DTWD1: variants seen among roughly 807,000 people sequenced by gnomAD.
DTWD1 encodes tRNA-uridine aminocarboxypropyltransferase 1.
Under a neutral mutation model 30.2 loss-of-function variants are expected in DTWD1, and 27 were observed. The observed-to-expected ratio is 0.90, with a 90% CI of 0.66 to 1.23. The LOEUF (loss-of-function observed/expected upper bound fraction) is 1.23, where lower values mean the gene tolerates loss of function less well. Ranked by LOEUF, DTWD1 falls within the 50% of genes most tolerant of loss-of-function variation. The probability of loss-of-function intolerance (pLI) is 0.00; values close to 1 mark genes in which losing one functional copy is unlikely to be tolerated. For synonymous variants in DTWD1, 99 were observed against 113.1 expected (o/e 0.88, Z 0.79); for missense variants, 342 against 348.8 (o/e 0.98, Z 0.15).
At chr15:49,621,931 A>G (rs2078734057) in intron 1 of DTWD1, among the ~76,000 whole-genome samples, 2 of 152,212 alleles carry the variant, frequency 1.3e-5, no homozygotes, top group Admixed American at 1.3e-4. Context: ...ATTGGTCCAC[A>G]ATATAGGACA....
chr15:49,629,945 A>G (rs550243483), intron 2 of DTWD1: 1 of 152,236 alleles, frequency 6.6e-6, no homozygotes, highest in South Asian at 2.1e-4. Context: ...TGTCCCCAAC[A>G]TAATTGTCCA....
Position 49,643,429 on chromosome 15 carries a change from T to C in DTWD1, c.766T>C (p.Tyr256His). The C allele has an allele frequency of 6.2e-7, 1 of 1,606,146 alleles. No individual in the cohort carries two copies. Among genetic ancestry groups the C allele is most frequent in the Non-Finnish European group, 8.5e-7 (1 of 1,176,818 alleles). The change falls in exon 5 of 5, where the codon TAC becomes CAC. Residue 256 changes from tyrosine (Y) to histidine (H), a missense_variant. Coordinates refer to ENST00000403028, the MANE Select transcript of DTWD1 (RefSeq NM_001144955.2). ...CCTTTCTACAATTGAAGCCATTTAC[T>C]ACTTTCTGGTAGACTACCATACTGA... ...TFLSTIEAIY[Y>H]FLVDYHTDIL...
chr15:49,655,397 C>T lies in DTWD1; in HGVS notation c.*11819C>T, dbSNP rs918178802. ...AAAGAAAGACTTATGAAGAAAAGAC[C>T]TGTAGAAAATCGGGCCTACGTACCT... On this transcript the variant is annotated 3_prime_UTR_variant, in exon 5 of 5. Coordinates refer to ENST00000403028, the MANE Select transcript of DTWD1 (RefSeq NM_001144955.2). 1.3e-5 allele frequency: 2 copies of T among 151,838 alleles called. No individual in the cohort carries two copies. The highest frequency in any genetic ancestry group is 6.6e-5 in the Admixed American group (1 of 15,220). 9.4% of individuals were successfully genotyped at this position (151,838 alleles called of 1,614,324 possible).
At position 49,655,804 on chromosome 15, in the gene DTWD1, T is replaced by C. The variant is rs989729934; in HGVS notation, c.*12226T>C. The C allele has an allele frequency of 6.6e-6, 1 of 151,954 alleles. No homozygotes were observed. Among genetic ancestry groups the C allele is most frequent in the African/African-American group, 2.4e-5 (1 of 41,392 alleles). 9.4% of individuals were successfully genotyped at this position (151,954 alleles called of 1,614,324 possible). Reference sequence around the variant, plus strand: ...GTGGAAATTACTTTGCTGGCTGAAGTTGGGAATAGAAAACAGTAGAGAATA... The same window carrying C: ...GTGGAAATTACTTTGCTGGCTGAAGCTGGGAATAGAAAACAGTAGAGAATA... On this transcript the variant is annotated 3_prime_UTR_variant, in exon 5 of 5. Coordinates refer to ENST00000403028, the MANE Select transcript of DTWD1 (RefSeq NM_001144955.2).
Position 49,651,554 on chromosome 15 carries a change from T to G in DTWD1, c.*7976T>G, listed in dbSNP as rs2079152359. 1 of 152,136 alleles carries G rather than the reference T, an allele frequency of 6.6e-6. No individual in the cohort carries two copies. The highest frequency in any genetic ancestry group is 6.6e-5 in the Admixed American group (1 of 15,256). 9.4% of individuals were successfully genotyped at this position (152,136 alleles called of 1,614,324 possible). A position where few individuals can be genotyped will look rare whatever the true frequency, so the allele number is the denominator to read the frequency against. ...CCTTAGCTGCTGCTGCTGTTGAATGTCCAACCTACAAGCAACACAGACAAT... is the reference window on the plus strand; with the variant it reads ...CCTTAGCTGCTGCTGCTGTTGAATGGCCAACCTACAAGCAACACAGACAAT... On this transcript the variant is annotated 3_prime_UTR_variant, in exon 5 of 5. Coordinates refer to ENST00000403028, the MANE Select transcript of DTWD1 (RefSeq NM_001144955.2).
rs2153354610 is a variant in DTWD1, at chr15:49,648,447, A to C, written c.*4869A>C. 1 of 152,334 alleles carries C rather than the reference A, an allele frequency of 6.6e-6. No homozygotes were observed. The highest frequency in any genetic ancestry group is 1.9e-4 in the East Asian group (1 of 5,178). 9.4% of individuals were successfully genotyped at this position (152,334 alleles called of 1,614,324 possible). On this transcript the variant is annotated 3_prime_UTR_variant, in exon 5 of 5. Transcript: ENST00000403028. ...CCCCCGAGTAGCTGGGATCACAGGC[A>C]TGTGCCACCACACCCCGCTAATTTT...
At chr15:49,641,467 C>G (rs1285157285) in intron 4 of DTWD1, among the ~76,000 whole-genome samples, 1 of 151,912 alleles carries the variant, frequency 6.6e-6, no homozygotes. Context: ...TTATTTTTGT[C>G]TGTCGTTTAT....
chr15:49,636,371 A>G (rs1478800575), intron 4 of DTWD1, among the ~76,000 whole-genome samples: 1 of 151,998 alleles, frequency 6.6e-6, no homozygotes, highest in Non-Finnish European at 1.5e-5. Context: ...CAGTACCATT[A>G]TCACTCCTAA....
At chr15:49,627,594 C>T (rs911925651) in intron 2 of DTWD1, among the ~76,000 whole-genome samples, 1 of 152,174 alleles carries the variant, frequency 6.6e-6, no homozygotes, top group African/African-American at 2.4e-5. Flanking sequence ...TACTATACAC[C>T]TGGGCAATAC....
At chr15:49,639,161 G>A (rs76090278) in intron 4 of DTWD1, among the ~76,000 whole-genome samples, 10 of 152,250 alleles carry the variant, frequency 6.6e-5, no homozygotes, top group East Asian at 5.8e-4. Flanking sequence ...AATATATGAG[G>A]TAAAGGATGT....
chr15:49,650,616 T>C lies in DTWD1; in HGVS notation c.*7038T>C, dbSNP rs1598677830. Reference sequence around the variant, plus strand: ...AGTGTGAAGAACAGAAATCCACCAGTATCAGCACTTCATCTGCAACAGCTA... The same window carrying C: ...AGTGTGAAGAACAGAAATCCACCAGCATCAGCACTTCATCTGCAACAGCTA... On this transcript the variant is annotated 3_prime_UTR_variant, in exon 5 of 5. Transcript: ENST00000403028. 6.6e-6 allele frequency: 1 copy of C among 152,186 alleles called. No homozygotes were observed. The highest frequency in any genetic ancestry group is 1.9e-4 in the East Asian group (1 of 5,190). 9.4% of individuals were successfully genotyped at this position (152,186 alleles called of 1,614,324 possible). A position where few individuals can be genotyped will look rare whatever the true frequency, so the allele number is the denominator to read the frequency against.
rs1173682893 is a variant in DTWD1 at position 49,653,287 on chromosome 15, T to C, written c.*9709T>C. On this transcript the variant is annotated 3_prime_UTR_variant, in exon 5 of 5. Transcript: ENST00000403028. ...GAGAGGATGTCAGAATGATGTGAAA[T>C]GAGAAGAACTCAACCTGCTATTGTT... 1 of 152,036 alleles carries C rather than the reference T, an allele frequency of 6.6e-6. No homozygotes were observed. The highest frequency in any genetic ancestry group is 2.4e-5 in the African/African-American group (1 of 41,410). 9.4% of individuals were successfully genotyped at this position (152,036 alleles called of 1,614,324 possible). A position where few individuals can be genotyped will look rare whatever the true frequency, so the allele number is the denominator to read the frequency against.
chr15:49,641,207 G>T (rs1192648470), intron 4 of DTWD1, among the ~76,000 whole-genome samples: 1 of 151,732 alleles, frequency 6.6e-6, no homozygotes, highest in South Asian at 2.1e-4. Flanking sequence ...GAAATAATTG[G>T]ATCTACTTTC....
rs1451587097 is a variant in DTWD1, at chr15:49,655,388, A to C, written c.*11810A>C. On this transcript the variant is annotated 3_prime_UTR_variant, in exon 5 of 5. Coordinates refer to ENST00000403028, the MANE Select transcript of DTWD1 (RefSeq NM_001144955.2). ...GGGGGTAAGAAAGAAAGACTTATGA[A>C]GAAAAGACCTGTAGAAAATCGGGCC... 1 of 152,090 alleles carries C rather than the reference A, an allele frequency of 6.6e-6. No homozygotes were observed. The highest frequency in any genetic ancestry group is 2.4e-5 in the African/African-American group (1 of 41,446). 9.4% of individuals were successfully genotyped at this position (152,090 alleles called of 1,614,324 possible). A position where few individuals can be genotyped will look rare whatever the true frequency, so the allele number is the denominator to read the frequency against.
intron 2 of DTWD1, chr15:49,629,647 G>A (rs1015090448): frequency 1.3e-5 from 2 of 152,092 alleles, no homozygotes; most frequent in East Asian, 3.9e-4. Context: ...AACTGAGACC[G>A]AGCGTCATGA....
Position 49,646,980 on chromosome 15 carries a change from T to C in DTWD1, c.*3402T>C. ...TACAAGTATTACATGAATAAAGAAG[T>C]TTAGTAAAGAAATTAAGGTTTACCC... On this transcript the variant is annotated 3_prime_UTR_variant, in exon 5 of 5. Transcript: ENST00000403028. 1 of 152,114 alleles carries C rather than the reference T, an allele frequency of 6.6e-6. No individual in the cohort carries two copies. The highest frequency in any genetic ancestry group is 1.9e-4 in the East Asian group (1 of 5,186). The allele number at this position is 152,114 out of a possible 1,614,324, so 9.4% of individuals were successfully genotyped here. A position where few individuals can be genotyped will look rare whatever the true frequency, so the allele number is the denominator to read the frequency against.
chr15:49,627,466 T>C (rs1289155028), intron 2 of DTWD1, among the ~76,000 whole-genome samples: 1 of 152,220 alleles, frequency 6.6e-6, no homozygotes, highest in African/African-American at 2.4e-5. Context: ...TATAGTCATA[T>C]GTCTCCTAAT....
intron 2 of DTWD1, among the ~76,000 whole-genome samples, chr15:49,628,552 A>C (rs2078875742): frequency 1.3e-5 from 2 of 150,446 alleles, no homozygotes; most frequent in African/African-American, 5.0e-5. Context: ...AGAGCCTAGA[A>C]TTTAAAAGGC....
At chr15:49,632,550 A>C in intron 3 of DTWD1, among the ~76,000 whole-genome samples, 1 of 151,502 alleles carries the variant, frequency 6.6e-6, no homozygotes. Context: ...TCAGGTTTTT[A>C]CTCCTTGCCA....
Sources: allele counts gnomAD v4.1 joint callset (sites outside exome capture counted in the v4.1 genomes callset), GRCh38; gene constraint gnomAD v4.1.1; transcripts MANE v1.5; gene names NCBI Gene and HGNC (gene_info 2026-07-23, HGNC 2026-07-21).